Variants in NFYA observed in about 807,000 individuals in gnomAD.
NFYA encodes CAAT-box DNA binding protein subunit A.
NFYA carries 28 observed loss-of-function variants against 52.8 expected under a neutral mutation model. That is an observed-to-expected ratio of 0.53 (90% CI 0.39 to 0.73). The LOEUF (loss-of-function observed/expected upper bound fraction) is 0.73. Among genes scored for constraint, NFYA ranks in the 30% least tolerant of loss-of-function variants. The pLI is 0.00. For synonymous variants in NFYA, 150 were observed against 150.7 expected (o/e 1.00, Z 0.03); for missense variants, 234 against 427.0 (o/e 0.55, Z 3.98).
At chr6:41,078,514 T>C (rs1413436137) in intron 1 of NFYA, among the ~76,000 whole-genome samples, 2 of 152,250 alleles carry the variant, frequency 1.3e-5, no homozygotes, top group Non-Finnish European at 2.9e-5. Flanking sequence ...GAAGTCTTTA[T>C]TAAAGGTTCT....
intron 1 of NFYA, among the ~76,000 whole-genome samples, chr6:41,076,645 C>G (rs1763739877): frequency 6.6e-6 from 1 of 152,190 alleles, no homozygotes; most frequent in Non-Finnish European, 1.5e-5. Context: ...AATTTTCATG[C>G]TAGCCAGAAT....
chr6:41,084,585 G>GGA (rs1763990622), intron 4 of NFYA, among the ~76,000 whole-genome samples: 1 of 152,216 alleles, frequency 6.6e-6, no homozygotes, highest in African/African-American at 2.4e-5. Flanking sequence ...AATCTAGATT[G>GGA]TTTAAGCAGA....
intron 5 of NFYA, among the ~76,000 whole-genome samples, chr6:41,089,937 G>A (rs1040918853): frequency 6.6e-6 from 1 of 152,004 alleles, no homozygotes; most frequent in Non-Finnish European, 1.5e-5. Context: ...GGCCAACATG[G>A]TGAAGCCCCG....
rs769836694 is a variant in NFYA at position 41,091,448 on chromosome 6, A to G, written c.548-80A>G. ...CAGGATCGGTGAGTGTATACCAGAT[A>G]GAAGAGGGACTAACTATGTTCCCTT... On this transcript the variant is annotated intron_variant, in intron 6 of 9. Transcript: ENST00000341376. 2.1e-5 allele frequency: 30 copies of G among 1,422,344 alleles called. 1 individual carries two copies. Among genetic ancestry groups the G allele is most frequent in the Non-Finnish European group, 2.9e-5 (30 of 1,039,370 alleles). The allele number at this position is 1,422,344 out of a possible 1,614,324, so 88.1% of individuals were successfully genotyped here.
At chr6:41,096,874 T>A (rs1764372148) in intron 9 of NFYA, among the ~76,000 whole-genome samples, 2 of 152,206 alleles carry the variant, frequency 1.3e-5, no homozygotes, top group Non-Finnish European at 2.9e-5. Flanking sequence ...GCAAATCACT[T>A]TACCCATCTG....
intron 1 of NFYA, among the ~76,000 whole-genome samples, chr6:41,073,744 A>G (rs985449652): frequency 1.3e-5 from 2 of 151,808 alleles, no homozygotes; most frequent in Non-Finnish European, 2.9e-5. Context: ...CCTGGTGGGG[A>G]GAGGGGGCCG....
intron 7 of NFYA, 84 bp downstream of exon 7, chr6:41,091,778 C>T (rs1764201981): frequency 5.4e-6 from 8 of 1,483,976 alleles, no homozygotes; most frequent in African/African-American, 1.4e-5. Context: ...TTATGTTGAC[C>T]TCTTGGGATT....
rs1055151480 is a variant in NFYA at position 41,098,235 on chromosome 6, C to T, written c.*825C>T. 1.3e-5 allele frequency: 2 copies of T among 152,586 alleles called. No homozygotes were observed. The highest frequency in any genetic ancestry group is 2.9e-5 in the Non-Finnish European group (2 of 68,052). The allele number at this position is 152,586 out of a possible 1,614,324, so 9.5% of individuals were successfully genotyped here. ...TTCCTAAGTAGAGAACAAGACTATT[C>T]AACAACTTCTTTGCTGAAGCACTGA... On this transcript the variant is annotated 3_prime_UTR_variant, in exon 10 of 10. Transcript: ENST00000341376.
At chr6:41,085,529 G>A (rs1020743923) in intron 4 of NFYA, among the ~76,000 whole-genome samples, 8 of 152,092 alleles carry the variant, frequency 5.3e-5, no homozygotes, top group African/African-American at 1.9e-4. Context: ...TCATGGAAAA[G>A]AGAGTATGAG....
chr6:41,077,869 A>G (rs1351953484), intron 1 of NFYA, among the ~76,000 whole-genome samples: 1 of 152,208 alleles, frequency 6.6e-6, no homozygotes, highest in African/African-American at 2.4e-5. Context: ...ATAGCCTGTT[A>G]TTTATGGCTC....
chr6:41,077,118 C>A (rs116633305), intron 1 of NFYA, among the ~76,000 whole-genome samples: 1 of 152,094 alleles, frequency 6.6e-6, no homozygotes, highest in Non-Finnish European at 1.5e-5. Context: ...ATGTAAACTT[C>A]TGGATATTAG....
rs1308605584 is a variant in NFYA, at chr6:41,099,130, G to T, written c.*1720G>T. ...GAAGTGAAATATTCCTAGTCCCAGGGATCTGGTAATCGCTCCTGGCTTCCA... is the reference window on the plus strand; with the variant it reads ...GAAGTGAAATATTCCTAGTCCCAGGTATCTGGTAATCGCTCCTGGCTTCCA... On this transcript the variant is annotated 3_prime_UTR_variant, in exon 10 of 10. Transcript: ENST00000341376. The T allele has an allele frequency of 6.6e-6, 1 of 152,198 alleles. No homozygotes were observed. The highest frequency in any genetic ancestry group is 1.5e-5 in the Non-Finnish European group (1 of 68,038). 9.4% of individuals were successfully genotyped at this position (152,198 alleles called of 1,614,324 possible). A position where few individuals can be genotyped will look rare whatever the true frequency, so the allele number is the denominator to read the frequency against.
intron 2 of NFYA, 126 bp downstream of exon 2, chr6:41,079,290 A>G: frequency 1.2e-6 from 1 of 850,482 alleles, no homozygotes; most frequent in Non-Finnish European, 1.9e-6. Flanking sequence ...ATTGGGTCTG[A>G]TGGCTTGTGC....
At position 41,088,189 on chromosome 6, in the gene NFYA, C is replaced by T. The variant is rs190625921; in HGVS notation, c.310-1390C>T. 3.8e-3 allele frequency among the ~76,000 whole-genome samples: 580 copies of T among 152,018 alleles called. 1 individual carries two copies. Among genetic ancestry groups the T allele is most frequent in the Admixed American group, 7.0e-3 (107 of 15,252 alleles). ...ATCCCAGCACTTTGGGTGGCCGAGG[C>T]GGGTGGATCACAAGGTCAGGAGATC... On this transcript the variant is annotated intron_variant, in intron 4 of 9. Coordinates refer to ENST00000341376, the MANE Select transcript of NFYA (RefSeq NM_002505.5).
intron 2 of NFYA, 96 bp downstream of exon 2, chr6:41,079,260 G>A: frequency 6.9e-6 from 8 of 1,160,326 alleles, no homozygotes; most frequent in Non-Finnish European, 1.0e-5. Context: ...TTATTTGAAA[G>A]ATACCAGATC....
In NFYA at chr6:41,097,663, G is replaced by A. The variant is rs1237909584; in HGVS notation, c.*253G>A. The A allele has an allele frequency of 2.4e-5, 10 of 420,406 alleles. No homozygotes were observed. Among genetic ancestry groups the A allele is most frequent in the African/African-American group, 1.0e-4 (5 of 49,688 alleles). The allele number at this position is 420,406 out of a possible 1,614,324, so 26.0% of individuals were successfully genotyped here. A position where few individuals can be genotyped will look rare whatever the true frequency, so the allele number is the denominator to read the frequency against. ...GATGACATTGACATTTCATGGATTC[G>A]GATGATGCAAGGAGACACATGCCAC... On this transcript the variant is annotated 3_prime_UTR_variant, in exon 10 of 10. Coordinates refer to ENST00000341376, the MANE Select transcript of NFYA (RefSeq NM_002505.5).
At chr6:41,084,907 G>A (rs1245363185) in intron 4 of NFYA, among the ~76,000 whole-genome samples, 2 of 152,214 alleles carry the variant, frequency 1.3e-5, no homozygotes, top group South Asian at 4.1e-4. Context: ...GTTGCAGTAA[G>A]CCAAGATTGT....
At chr6:41,083,122 TC>T (rs1161854990) in intron 3 of NFYA, among the ~76,000 whole-genome samples, 7 of 152,230 alleles carry the variant, frequency 4.6e-5, no homozygotes, top group South Asian at 4.1e-4. Context: ...TTTGGACTAT[TC>T]CATGGATCAT....
chr6:41,087,723 A>G (rs1229688272), intron 4 of NFYA, among the ~76,000 whole-genome samples: 1 of 152,196 alleles, frequency 6.6e-6, no homozygotes, highest in African/African-American at 2.4e-5. Context: ...ACTTAAAAAA[A>G]AAAGTGTTCA....
Sources: allele counts gnomAD v4.1 joint callset (sites outside exome capture counted in the v4.1 genomes callset), GRCh38; gene constraint gnomAD v4.1.1; transcripts MANE v1.5; gene names NCBI Gene and HGNC (gene_info 2026-07-23, HGNC 2026-07-21).